The following DPP10 variants were observed in gnomAD, a reference collection of about 807,000 sequenced individuals.
DPP10 encodes the protein inactive dipeptidyl peptidase 10.
DPP10 carries 33 observed loss-of-function variants against 120.9 expected under a neutral mutation model. That is an observed-to-expected ratio of 0.27 (90% CI 0.21 to 0.37). The LOEUF (loss-of-function observed/expected upper bound fraction) is 0.37. Among genes scored for constraint, DPP10 ranks in the 10% least tolerant of loss-of-function variants. The pLI, the probability that DPP10 is intolerant of heterozygous loss-of-function variation, is 1.00. For synonymous variants in DPP10, 337 were observed against 326.1 expected, an observed-to-expected ratio of 1.03 and a Z score of -0.36; for missense variants, 816 against 942.8, an observed-to-expected ratio of 0.87 and a Z score of 1.76.
At chr2:115,017,628 A>T (rs2105143079) in intron 1 of DPP10, among the ~76,000 whole-genome samples, 1 of 152,270 alleles carries the variant, frequency 6.6e-6, no homozygotes, top group African/African-American at 2.4e-5. Context: ...GATAGACTAG[A>T]TTGAGAAAAT....
chr2:115,634,702 G>A (rs538790270), intron 5 of DPP10, among the ~76,000 whole-genome samples: 2 of 152,310 alleles, frequency 1.3e-5, no homozygotes, highest in Non-Finnish European at 2.9e-5. Context: ...GGCACCGGAT[G>A]TGGGACTCAC....
chr2:114,560,048 T>G lies in DPP10; in HGVS notation c.60+117210T>G, dbSNP rs1233817732. 2.0e-5 allele frequency among the ~76,000 whole-genome samples: 3 copies of G among 152,230 alleles called. 1 individual carries two copies. In the East Asian group the frequency reaches 5.8e-4, roughly 29 times the overall value. Reference sequence around the variant, plus strand: ...TATGCAAATGCTGTAGAATGATTTCTTTCAGTGCTAACTTTATTTAATTCT... The same window carrying G: ...TATGCAAATGCTGTAGAATGATTTCGTTCAGTGCTAACTTTATTTAATTCT... On this transcript the variant is annotated intron_variant, in intron 1 of 25. Coordinates refer to ENST00000410059, the MANE Select transcript of DPP10 (RefSeq NM_020868.6).
intron 1 of DPP10, among the ~76,000 whole-genome samples, chr2:114,455,962 G>C (rs768218352): frequency 6.6e-6 from 1 of 152,124 alleles, no homozygotes; most frequent in African/African-American, 2.4e-5. Context: ...AGGCAAGCCC[G>C]TTGCATCACA....
chr2:115,515,721 G>A (rs575924484), intron 4 of DPP10, among the ~76,000 whole-genome samples: 1 of 152,140 alleles, frequency 6.6e-6, no homozygotes, highest in Admixed American at 6.6e-5. Context: ...ATGAATGAAT[G>A]TAAAGGAAGA....
intron 1 of DPP10, among the ~76,000 whole-genome samples, chr2:115,277,824 A>T (rs2059982666): frequency 6.6e-6 from 1 of 152,194 alleles, no homozygotes; most frequent in African/African-American, 2.4e-5. Flanking sequence ...TTTGAAACAC[A>T]GACTTTTAAA....
At chr2:115,431,118 TCATGAACTAATATAGCTCGCGAAAG>T (rs1326885321) in intron 3 of DPP10, among the ~76,000 whole-genome samples, 2 of 152,222 alleles carry the variant, frequency 1.3e-5, no homozygotes, top group East Asian at 3.8e-4. Flanking sequence ...CTGTGATTCT[TCATGAACTAATATAGCTCGCGAAAG>T]CGAAGGGATC....
intron 1 of DPP10, among the ~76,000 whole-genome samples, chr2:114,452,919 C>G (rs1678368387): frequency 6.6e-6 from 1 of 152,132 alleles, no homozygotes; most frequent in Non-Finnish European, 1.5e-5. Context: ...GTCCAGTAGA[C>G]AGAGTGGTTT....
At chr2:115,145,310 C>T (rs2051161651) in intron 1 of DPP10, among the ~76,000 whole-genome samples, 1 of 152,108 alleles carries the variant, frequency 6.6e-6, no homozygotes, top group Admixed American at 6.6e-5. Context: ...ATCACTTCCT[C>T]CCTCCTTTCA....
intron 10 of DPP10, among the ~76,000 whole-genome samples, chr2:115,747,086 G>A (rs539899012): frequency 2.0e-5 from 3 of 152,112 alleles, no homozygotes; most frequent in Middle Eastern, 3.4e-3. Context: ...TACTTGAAAA[G>A]GTAATAAAGG....
At chr2:115,104,587 G>C (rs975050407) in intron 1 of DPP10, among the ~76,000 whole-genome samples, 4 of 152,072 alleles carry the variant, frequency 2.6e-5, no homozygotes, top group East Asian at 3.9e-4. Flanking sequence ...TTTTGTAAGA[G>C]GTAGTCTGTG....
chr2:115,678,460 C>A (rs112422512), intron 5 of DPP10, among the ~76,000 whole-genome samples: 1,864 of 152,322 alleles, frequency 0.012, 45 homozygotes, highest in African/African-American at 0.043. Flanking sequence ...TGATGTTAGT[C>A]CTGCAGGTGT....
rs199741907 is a variant in DPP10 at position 115,766,334 on chromosome 2, A to G, written c.1114-1963A>G. On this transcript the variant is annotated intron_variant, in intron 12 of 25. Coordinates refer to ENST00000410059, the MANE Select transcript of DPP10 (RefSeq NM_020868.6). Reference sequence around the variant, plus strand: ...TGTATATATATATATATGTATATATATATGTATATATATATATATATCACT... The same window carrying G: ...TGTATATATATATATATGTATATATGTATGTATATATATATATATATCACT... Among the ~76,000 whole-genome samples the G allele has an allele frequency of 3.0e-4, 30 of 101,098 alleles. 1 individual carries two copies. The highest frequency in any genetic ancestry group is 0.012 in the Middle Eastern group (2 of 170). The allele number at this position is 101,098 out of a possible 152,430, so 66.3% of individuals were successfully genotyped here. A position where few individuals can be genotyped will look rare whatever the true frequency, so the allele number is the denominator to read the frequency against.
chr2:115,201,922 C>T (rs2055758400), intron 1 of DPP10, among the ~76,000 whole-genome samples: 1 of 152,106 alleles, frequency 6.6e-6, no homozygotes, highest in South Asian at 2.1e-4. Flanking sequence ...TCTCTCATTT[C>T]CTCTCACACA....
In DPP10 at chr2:115,739,319, T is replaced by A. The variant is rs189571245; in HGVS notation, c.698-420T>A. Among the ~76,000 whole-genome samples the A allele has an allele frequency of 4.3e-4, 66 of 152,050 alleles. 1 individual carries two copies. Among genetic ancestry groups the A allele is most frequent in the Admixed American group, 1.8e-3 (28 of 15,230 alleles). On this transcript the variant is annotated intron_variant, in intron 8 of 25. Transcript: ENST00000410059. ...CTTCTTATTCCATTTTCTTAGAGCTTAAAATAGTTTGATGAATCTAGTGGG... is the reference window on the plus strand; with the variant it reads ...CTTCTTATTCCATTTTCTTAGAGCTAAAAATAGTTTGATGAATCTAGTGGG...
chr2:114,795,564 T>G (rs1683634676), intron 1 of DPP10, among the ~76,000 whole-genome samples: 1 of 151,908 alleles, frequency 6.6e-6, no homozygotes, highest in South Asian at 2.1e-4. Flanking sequence ...CTAAGTATAG[T>G]GCACCGTTCT....
intron 1 of DPP10, among the ~76,000 whole-genome samples, chr2:115,025,924 C>G (rs1259874818): frequency 1.3e-5 from 2 of 151,786 alleles, no homozygotes; most frequent in African/African-American, 2.4e-5. Context: ...GTTATTCATC[C>G]CTTGTCAGGT....
At chr2:115,612,715 T>C (rs1008950452) in intron 5 of DPP10, among the ~76,000 whole-genome samples, 1 of 152,186 alleles carries the variant, frequency 6.6e-6, no homozygotes, top group Admixed American at 6.5e-5. Context: ...AGTTCCTTCC[T>C]CTGTGAAATG....
intron 1 of DPP10, among the ~76,000 whole-genome samples, chr2:114,760,039 C>A (rs910605921): frequency 6.6e-6 from 1 of 152,208 alleles, no homozygotes; most frequent in African/African-American, 2.4e-5. Flanking sequence ...TGCACCATTA[C>A]CACCCTAATC....
chr2:114,910,096 T>A (rs1460483897), intron 1 of DPP10, among the ~76,000 whole-genome samples: 1 of 151,746 alleles, frequency 6.6e-6, no homozygotes, highest in Admixed American at 6.6e-5. Flanking sequence ...ACTACTGTAG[T>A]ATAATTTTGG....
Sources: allele counts gnomAD v4.1 joint callset (sites outside exome capture counted in the v4.1 genomes callset), GRCh38; gene constraint gnomAD v4.1.1; transcripts MANE v1.5; gene names NCBI Gene and HGNC (gene_info 2026-07-23, HGNC 2026-07-21).